CHST3: variants seen among roughly 807,000 people sequenced by gnomAD.
The protein encoded by CHST3 is C6ST-1.
In CHST3, 20 loss-of-function variants were observed where a neutral mutation model predicts 35.4. That is an observed-to-expected ratio of 0.57 (90% CI 0.40 to 0.82). CHST3 has a LOEUF of 0.82. CHST3 is among the 40% of genes least tolerant of loss of function. The probability of loss-of-function intolerance (pLI) is 0.00; values close to 1 mark genes in which losing one functional copy is unlikely to be tolerated. For missense variants in CHST3, 693 were observed against 670.1 expected (o/e 1.03, Z -0.38); for synonymous variants, 334 against 295.9 (o/e 1.13, Z -1.32).
At chr10:71,972,719 G>T (rs1169281787) in intron 1 of CHST3, among the ~76,000 whole-genome samples, 6 of 152,170 alleles carry the variant, frequency 3.9e-5, no homozygotes, top group Admixed American at 3.3e-4. Context: ...ACCTGGACTC[G>T]GTATCCCATG....
rs529402579 is a variant in CHST3, at chr10:72,011,558, G to A, written c.*3087G>A. The A allele has an allele frequency of 6.6e-6, 1 of 152,360 alleles. No individual in the cohort carries two copies. The highest frequency in any genetic ancestry group is 2.1e-4 in the South Asian group (1 of 4,826). The allele number at this position is 152,360 out of a possible 1,614,324, so 9.4% of individuals were successfully genotyped here. On this transcript the variant is annotated 3_prime_UTR_variant, in exon 3 of 3. Coordinates refer to ENST00000373115, the MANE Select transcript of CHST3 (RefSeq NM_004273.5). ...CAGCCCTGGCTTCTCCTCTGTTCCA[G>A]CTTGTCTGCCAGAAGCCTTCCCCTG...
chr10:71,986,691 T>A (rs1839850103), intron 1 of CHST3, among the ~76,000 whole-genome samples: 1 of 139,524 alleles, frequency 7.2e-6, no homozygotes, highest in African/African-American at 2.7e-5. Flanking sequence ...CCGATAGGAA[T>A]AGTTGCAGCA....
rs765761143 is a variant in CHST3 at position 72,007,997 on chromosome 10, G to A, written c.966G>A (p.Lys322=). Residue 322 remains lysine (K), a synonymous_variant, in exon 3 of 3, where the codon AAG becomes AAA. Transcript: ENST00000373115. The part of the protein sequence containing the change: ...VAFAGKYKTW[K]KWLDDEGQDG... ...TCGCCGGCAAGTATAAGACCTGGAA[G>A]AAGTGGCTGGACGACGAGGGCCAGG... 3 of 1,549,470 alleles carry A rather than the reference G, an allele frequency of 1.9e-6. No homozygotes were observed. Among genetic ancestry groups the A allele is most frequent in the Non-Finnish European group, 2.6e-6 (3 of 1,146,520 alleles).
chr10:71,987,630 G>C (rs11000125), intron 1 of CHST3, among the ~76,000 whole-genome samples: 94,311 of 150,550 alleles, frequency 0.63, 30,389 homozygotes, highest in African/African-American at 0.79. Context: ...GCAGGAGAAT[G>C]GCTTGAACCC....
chr10:72,007,344 C>T lies in CHST3; in HGVS notation c.313C>T (p.Pro105Ser), dbSNP rs747226832. The T allele has an allele frequency of 1.9e-6, 3 of 1,609,374 alleles. No homozygotes were observed. Residue 105 changes from proline (P) to serine (S), a missense_variant, in exon 3 of 3, where the codon CCA becomes TCA. Pro to Ser is a moderately conservative substitution (Grantham distance 74, BLOSUM62 -1). Transcript: ENST00000373115. Reference protein sequence around the residue: ...RNLSLQLGVEPAMEAAGEEEE... With the variant: ...RNLSLQLGVESAMEAAGEEEE... Reference sequence around the variant, plus strand: ...CCTCAGCTTGCAGCTGGGCGTGGAGCCAGCCATGGAGGCCGCAGGGGAGGA... The same window carrying T: ...CCTCAGCTTGCAGCTGGGCGTGGAGTCAGCCATGGAGGCCGCAGGGGAGGA...
At chr10:72,001,515 C>G (rs1839992856) in intron 1 of CHST3, among the ~76,000 whole-genome samples, 1 of 152,062 alleles carries the variant, frequency 6.6e-6, no homozygotes, top group East Asian at 1.9e-4. Flanking sequence ...CTCTGGGTGC[C>G]TAGGCTGGGG....
intron 1 of CHST3, among the ~76,000 whole-genome samples, chr10:71,992,461 T>C (rs1413498448): frequency 1.3e-5 from 2 of 151,524 alleles, no homozygotes; most frequent in Non-Finnish European, 3.0e-5. Context: ...GGATTACAGG[T>C]GTGAGCCACT....
chr10:72,006,012 T>G, intron 2 of CHST3, 30 bp downstream of exon 2: 2 of 1,422,478 alleles, frequency 1.4e-6, no homozygotes, highest in Middle Eastern at 1.8e-4. Context: ...GTCTTCATCT[T>G]CCTTTCAAGG....
chr10:71,968,668 A>G (rs1410562552), intron 1 of CHST3, among the ~76,000 whole-genome samples: 1 of 152,174 alleles, frequency 6.6e-6, no homozygotes, highest in Non-Finnish European at 1.5e-5. Context: ...ACGTGGTCCC[A>G]GGGCCTCTGC....
At chr10:71,988,730 T>G (rs533192437) in intron 1 of CHST3, among the ~76,000 whole-genome samples, 1 of 152,302 alleles carries the variant, frequency 6.6e-6, no homozygotes, top group African/African-American at 2.4e-5. Context: ...TAATACACCC[T>G]ATCTATACAC....
chr10:71,993,374 T>C (rs1839914683), intron 1 of CHST3, among the ~76,000 whole-genome samples: 1 of 152,236 alleles, frequency 6.6e-6, no homozygotes, highest in Non-Finnish European at 1.5e-5. Context: ...AGTTTTCTCT[T>C]ATTACTTCCA....
chr10:72,002,053 C>A, intron 1 of CHST3, among the ~76,000 whole-genome samples: 1 of 152,136 alleles, frequency 6.6e-6, no homozygotes, highest in East Asian at 1.9e-4. Context: ...GGCACCATGA[C>A]CCTCTCCCCG....
rs148766248 is a variant in CHST3, at chr10:71,986,511, G to A, written c.-107-19225G>A. On this transcript the variant is annotated intron_variant, in intron 1 of 2. Transcript: ENST00000373115. ...CAGCACTCGTATTTTCAAATACGGC[G>A]CTCCAGGCAGCCCCTTCCCATCTGT... Among the ~76,000 whole-genome samples the A allele has an allele frequency of 2.6e-3, 397 of 152,304 alleles. 1 individual carries two copies. Among genetic ancestry groups the A allele is most frequent in the African/African-American group, 9.0e-3 (373 of 41,556 alleles).
At chr10:71,975,755 T>C (rs772924445) in intron 1 of CHST3, among the ~76,000 whole-genome samples, 1 of 152,232 alleles carries the variant, frequency 6.6e-6, no homozygotes, top group Non-Finnish European at 1.5e-5. Context: ...ATGCCAGCCT[T>C]TGCAGCTGCT....
intron 1 of CHST3, among the ~76,000 whole-genome samples, chr10:71,985,269 G>A (rs1234000165): frequency 6.6e-6 from 1 of 152,220 alleles, no homozygotes; most frequent in African/African-American, 2.4e-5. Context: ...ATGGTCTCAT[G>A]GGACTCACTG....
rs557325878 is a variant in CHST3, at chr10:72,008,649, A to T, written c.*178A>T. On this transcript the variant is annotated 3_prime_UTR_variant, in exon 3 of 3. Transcript: ENST00000373115. ...CCCAGGGTTAATTGCGGAGAACAGG[A>T]CAGTGCCCGGTCCCCTTGAGGGCCA... 9.8e-6 allele frequency: 13 copies of T among 1,321,846 alleles called. No homozygotes were observed. The Admixed American group carries it at 3.5e-4, about 36-fold the overall frequency. 81.9% of individuals were successfully genotyped at this position (1,321,846 alleles called of 1,614,324 possible). A position where few individuals can be genotyped will look rare whatever the true frequency, so the allele number is the denominator to read the frequency against.
chr10:71,997,124 C>T (rs1839949152), intron 1 of CHST3, among the ~76,000 whole-genome samples: 1 of 152,130 alleles, frequency 6.6e-6, no homozygotes, highest in South Asian at 2.1e-4. Context: ...AGTACATTCA[C>T]ACTGTTGGGT....
intron 2 of CHST3, among the ~76,000 whole-genome samples, chr10:72,006,872 A>G (rs1004993441): frequency 2.0e-5 from 3 of 152,126 alleles, no homozygotes; most frequent in Non-Finnish European, 2.9e-5. Context: ...AGCCGGAAGT[A>G]CTAGGGAGTA....
At chr10:71,982,202 G>A (rs570525778) in intron 1 of CHST3, among the ~76,000 whole-genome samples, 49 of 152,298 alleles carry the variant, frequency 3.2e-4, no homozygotes, top group African/African-American at 1.1e-3. Flanking sequence ...AATCACAAGT[G>A]TCCTTATAAG....
Sources: gnomAD v4.1 joint callset for allele counts (sites outside exome capture counted in the v4.1 genomes callset) on GRCh38, gnomAD v4.1.1 for gene constraint, MANE v1.5 for transcripts, NCBI Gene and HGNC (gene_info 2026-07-23, HGNC 2026-07-21) for gene names.